MAGI2: variants seen among roughly 807,000 people sequenced by gnomAD.
MAGI2 encodes membrane associated guanylate kinase, WW and PDZ domain containing 2.
MAGI2 carries 35 observed loss-of-function variants against 133.3 expected under a neutral mutation model. The ratio of observed to expected loss-of-function variants is 0.26; its 90% confidence interval spans 0.20 to 0.35. The LOEUF (loss-of-function observed/expected upper bound fraction) is 0.35. Ranked by LOEUF, MAGI2 falls within the 10% of genes least tolerant of loss-of-function variation. MAGI2 has a pLI of 1.00. For missense variants in MAGI2, 1,636 were observed against 1,863.4 expected (o/e 0.88, Z 2.25); for synonymous variants, 729 against 710.6 (o/e 1.03, Z -0.41).
intron 3 of MAGI2, among the ~76,000 whole-genome samples, chr7:78,609,435 TTACA>T (rs1806195806): frequency 6.6e-6 from 1 of 152,166 alleles, no homozygotes; most frequent in South Asian, 2.1e-4. Context: ...ACAAATACTA[TTACA>T]TAAAGTTGAT....
At chr7:79,300,576 TAA>T (rs1281090007) in intron 1 of MAGI2, among the ~76,000 whole-genome samples, 2 of 152,140 alleles carry the variant, frequency 1.3e-5, no homozygotes, top group Non-Finnish European at 2.9e-5. Context: ...AATTTATATT[TAA>T]AAGGATAGCA....
intron 1 of MAGI2, among the ~76,000 whole-genome samples, chr7:79,011,924 C>CCTTCCTTTCTTTCTTCCTTTCTTTCTTT (rs1413880167): frequency 8.3e-6 from 1 of 121,206 alleles, no homozygotes; most frequent in Admixed American, 9.0e-5. Flanking sequence ...TTCCTTCCTT[C>CCTTCCTTTCTTTCTTCCTTTCTTTCTTT]CTTTCTTTCT....
At chr7:78,983,433 T>G (rs982370747) in intron 2 of MAGI2, among the ~76,000 whole-genome samples, 6 of 151,922 alleles carry the variant, frequency 3.9e-5, no homozygotes, top group Non-Finnish European at 7.4e-5. Flanking sequence ...ATAAAGGAGA[T>G]TTTCTTGGAT....
At chr7:79,164,238 T>A (rs975266285) in intron 1 of MAGI2, among the ~76,000 whole-genome samples, 1 of 152,024 alleles carries the variant, frequency 6.6e-6, no homozygotes, top group African/African-American at 2.4e-5. Flanking sequence ...TTACAAACCA[T>A]GAATTCTCAT....
intron 7 of MAGI2, among the ~76,000 whole-genome samples, chr7:78,349,683 C>G (rs969183889): frequency 3.9e-5 from 6 of 152,110 alleles, no homozygotes; most frequent in African/African-American, 7.2e-5. Context: ...GGCTATAGCA[C>G]CATAAGCTAA....
At chr7:79,280,959 AAAAAAAG>A in intron 1 of MAGI2, among the ~76,000 whole-genome samples, 1 of 106,232 alleles carries the variant, frequency 9.4e-6, no homozygotes. Context: ...AAAAAAAAAA[AAAAAAAG>A]AATGATATAA....
At chr7:79,397,801 T>C (rs1423724403) in intron 1 of MAGI2, among the ~76,000 whole-genome samples, 1 of 152,176 alleles carries the variant, frequency 6.6e-6, no homozygotes, top group African/African-American at 2.4e-5. Context: ...GTATTTCTTT[T>C]GTGCAATTTA....
At chr7:78,196,634 G>T (rs953809189) in intron 11 of MAGI2, among the ~76,000 whole-genome samples, 1 of 152,236 alleles carries the variant, frequency 6.6e-6, no homozygotes. Context: ...TTTTTAAACT[G>T]TGCACATGTG....
intron 1 of MAGI2, among the ~76,000 whole-genome samples, chr7:79,027,016 C>G (rs1225877194): frequency 1.3e-5 from 2 of 152,084 alleles, no homozygotes; most frequent in Non-Finnish European, 2.9e-5. Context: ...AATGAAGTAT[C>G]ACTTCACATC....
chr7:78,026,170 C>G lies in MAGI2; in HGVS notation c.3707-6194G>C, dbSNP rs3807799. ...TATATACACACAGATCACACACACC[C>G]CATTATGTTTTAGTTAAAAGATGTA... On this transcript the variant is annotated intron_variant, in intron 21 of 21. Coordinates refer to ENST00000354212, the MANE Select transcript of MAGI2 (RefSeq NM_012301.4). 4.6e-5 allele frequency: 7 copies of G among 152,338 alleles called. No individual in the cohort carries two copies. In the East Asian group the frequency reaches 7.7e-4, roughly 17 times the overall value. 9.4% of individuals were successfully genotyped at this position (152,338 alleles called of 1,614,324 possible).
chr7:78,178,669 T>C (rs1826901812), intron 13 of MAGI2, among the ~76,000 whole-genome samples: 1 of 152,082 alleles, frequency 6.6e-6, no homozygotes, highest in Non-Finnish European at 1.5e-5. Flanking sequence ...AATTAGAAGA[T>C]ATAGAATTTA....
chr7:78,697,192 G>C (rs1345645869), intron 2 of MAGI2, among the ~76,000 whole-genome samples: 1 of 151,996 alleles, frequency 6.6e-6, no homozygotes, highest in Non-Finnish European at 1.5e-5. Flanking sequence ...CATTTAGGGA[G>C]AGCTTTGGAA....
chr7:78,687,961 C>A, intron 2 of MAGI2, among the ~76,000 whole-genome samples: 2 of 100,082 alleles, frequency 2.0e-5, no homozygotes, highest in South Asian at 3.7e-4. Context: ...GAGAGTGAGT[C>A]CTTGCCTTAA....
intron 9 of MAGI2, among the ~76,000 whole-genome samples, chr7:78,283,890 T>C (rs1389043853): frequency 6.6e-6 from 1 of 152,152 alleles, no homozygotes; most frequent in Non-Finnish European, 1.5e-5. Context: ...CTATTTAATT[T>C]ATGTTAATAG....
At chr7:79,039,947 G>T (rs769082022) in intron 1 of MAGI2, among the ~76,000 whole-genome samples, 17 of 150,638 alleles carry the variant, frequency 1.1e-4, no homozygotes, top group Non-Finnish European at 2.4e-4. Context: ...TGCAGATGTG[G>T]ATGAGCCTGG....
Position 78,994,314 on chromosome 7 carries a change from G to C in MAGI2, c.418+12776C>G, listed in dbSNP as rs188925759. 1.1e-4 allele frequency among the ~76,000 whole-genome samples: 17 copies of C among 152,224 alleles called. No homozygotes were observed. In the East Asian group the frequency reaches 3.1e-3, roughly 28 times the overall value. On this transcript the variant is annotated intron_variant, in intron 2 of 21. Transcript: ENST00000354212. The stretch of plus-strand genomic sequence containing the variant: ...GTCTCTGTTTTGATTACCTCCAGAT[G>C]AGAATGAGAGGAGACATGCTGCTGT...
chr7:78,267,767 C>A (rs181475353), intron 9 of MAGI2, among the ~76,000 whole-genome samples: 109 of 152,318 alleles, frequency 7.2e-4, no homozygotes, highest in Non-Finnish European at 1.4e-3. Flanking sequence ...TTAGACACTG[C>A]ACACAGATTC....
chr7:78,664,506 T>C (rs1021437562), intron 2 of MAGI2, among the ~76,000 whole-genome samples: 8 of 152,074 alleles, frequency 5.3e-5, no homozygotes, highest in Non-Finnish European at 1.0e-4. Flanking sequence ...AGAACTTTCA[T>C]AGATAATTTT....
At chr7:79,007,294 C>A in intron 1 of MAGI2, 88 bp from the exon 2 acceptor site, 3 of 707,920 alleles carry the variant, frequency 4.2e-6, no homozygotes, top group Non-Finnish European at 4.8e-6. Flanking sequence ...ACTCAGGAAC[C>A]CATTAAAAAG....
Sources: gnomAD v4.1 joint callset for allele counts (sites outside exome capture counted in the v4.1 genomes callset) on GRCh38, gnomAD v4.1.1 for gene constraint, MANE v1.5 for transcripts, NCBI Gene and HGNC (gene_info 2026-07-23, HGNC 2026-07-21) for gene names.